The following PPP3CA variants were observed in gnomAD, a reference collection of about 807,000 sequenced individuals.
PPP3CA encodes the protein CAM-PRP catalytic subunit.
Under a neutral mutation model 66.5 loss-of-function variants are expected in PPP3CA, and 14 were observed. The ratio of observed to expected loss-of-function variants is 0.21; its 90% CI spans 0.14 to 0.33. The LOEUF is 0.33. PPP3CA is among the 10% of genes least tolerant of loss of function. The pLI is 1.00. For missense variants in PPP3CA, 317 were observed against 639.5 expected, an observed-to-expected ratio of 0.50 and a Z score of 5.44; for synonymous variants, 232 against 226.2, an observed-to-expected ratio of 1.03 and a Z score of -0.23.
intron 6 of PPP3CA, among the ~76,000 whole-genome samples, chr4:101,091,418 A>G (rs1729935704): frequency 1.3e-5 from 2 of 152,336 alleles, no homozygotes; most frequent in East Asian, 3.9e-4. Context: ...AAATGGATTC[A>G]TTAAACCACA....
chr4:101,227,596 G>C (rs560954237), intron 1 of PPP3CA, among the ~76,000 whole-genome samples: 1 of 151,586 alleles, frequency 6.6e-6, no homozygotes, highest in East Asian at 2.0e-4. Context: ...TGTTTTAGGG[G>C]TACATGTGTA....
At chr4:101,313,308 T>C (rs1394187440) in intron 1 of PPP3CA, among the ~76,000 whole-genome samples, 1 of 152,146 alleles carries the variant, frequency 6.6e-6, no homozygotes, top group Non-Finnish European at 1.5e-5. Flanking sequence ...ATTAGAGGTG[T>C]GAGCCAACAC....
chr4:101,106,256 AGCTGCAGTGAG>A (rs1426176232), intron 3 of PPP3CA, among the ~76,000 whole-genome samples: 1 of 151,424 alleles, frequency 6.6e-6, no homozygotes, highest in Non-Finnish European at 1.5e-5. Context: ...GGCAGATTGA[AGCTGCAGTGAG>A]CTATGACTGT....
intron 1 of PPP3CA, among the ~76,000 whole-genome samples, chr4:101,264,865 T>C (rs530364779): frequency 1.3e-5 from 2 of 152,130 alleles, no homozygotes; most frequent in Non-Finnish European, 2.9e-5. Context: ...TATATGCCCT[T>C]ATTAAAGGAG....
chr4:101,094,077 A>G (rs1047823459), intron 5 of PPP3CA, among the ~76,000 whole-genome samples, 162 bp from the exon 6 acceptor site: 1 of 151,448 alleles, frequency 6.6e-6, no homozygotes, highest in African/African-American at 2.4e-5. Context: ...CCTTCTTCCT[A>G]CTCGTTTTCC....
chr4:101,085,812 C>G (rs1441760151), intron 6 of PPP3CA, among the ~76,000 whole-genome samples: 1 of 151,058 alleles, frequency 6.6e-6, no homozygotes, highest in Admixed American at 6.6e-5. Context: ...ACAAAATGTT[C>G]AAGCTGAAAA....
At chr4:101,319,377 C>G (rs1042777875) in intron 1 of PPP3CA, among the ~76,000 whole-genome samples, 17 of 152,014 alleles carry the variant, frequency 1.1e-4, no homozygotes, top group Admixed American at 3.3e-4. Flanking sequence ...TGGAAGTGTC[C>G]AATTAAAGGT....
chr4:101,188,540 G>C (rs1024159990), intron 2 of PPP3CA, among the ~76,000 whole-genome samples: 1 of 151,964 alleles, frequency 6.6e-6, no homozygotes, highest in African/African-American at 2.4e-5. Flanking sequence ...TGATGAACGC[G>C]ATCTAAAAAT....
chr4:101,276,028 G>A (rs1239857199), intron 1 of PPP3CA, among the ~76,000 whole-genome samples: 1 of 151,838 alleles, frequency 6.6e-6, no homozygotes, highest in East Asian at 1.9e-4. Flanking sequence ...CTGCGTAGCT[G>A]GGATTAAAGG....
At chr4:101,097,995 A>G (rs1730273866) in intron 5 of PPP3CA, among the ~76,000 whole-genome samples, 4 of 152,236 alleles carry the variant, frequency 2.6e-5, no homozygotes, top group Admixed American at 2.6e-4. Context: ...TTTAATGGTT[A>G]TGTTATGATA....
chr4:101,267,560 G>A (rs1395194758), intron 1 of PPP3CA, among the ~76,000 whole-genome samples: 2 of 152,082 alleles, frequency 1.3e-5, no homozygotes, highest in African/African-American at 4.8e-5. Context: ...CATGAAGCCC[G>A]TACTATACTG....
intron 10 of PPP3CA, among the ~76,000 whole-genome samples, chr4:101,042,923 C>T (rs765201868): frequency 6.6e-5 from 10 of 150,496 alleles, no homozygotes; most frequent in Non-Finnish European, 1.2e-4. Flanking sequence ...TAACATTGTC[C>T]TATTACTACT....
chr4:101,273,476 G>C (rs1727396211), intron 1 of PPP3CA, among the ~76,000 whole-genome samples: 1 of 152,104 alleles, frequency 6.6e-6, no homozygotes, highest in Non-Finnish European at 1.5e-5. Flanking sequence ...ACAAGTGCAT[G>C]CCACCATGCT....
intron 8 of PPP3CA, among the ~76,000 whole-genome samples, chr4:101,065,715 CCTAG>C (rs1231514933): frequency 2.0e-5 from 3 of 152,030 alleles, no homozygotes; most frequent in Admixed American, 6.6e-5. Flanking sequence ...GAATTCTAGT[CCTAG>C]CTGTTATAAT....
intron 1 of PPP3CA, among the ~76,000 whole-genome samples, chr4:101,345,786 G>A (rs572700043): frequency 1.1e-4 from 17 of 152,302 alleles, no homozygotes; most frequent in Middle Eastern, 3.4e-3. Context: ...CTTGCCAGGA[G>A]TTTATCATCC....
intron 2 of PPP3CA, among the ~76,000 whole-genome samples, chr4:101,156,848 T>C (rs954369599): frequency 4.6e-5 from 7 of 152,150 alleles, no homozygotes; most frequent in African/African-American, 1.7e-4. Flanking sequence ...AAACTGATGG[T>C]GAGTCACTAC....
intron 1 of PPP3CA, among the ~76,000 whole-genome samples, chr4:101,274,692 G>T (rs1727435495): frequency 6.6e-6 from 1 of 151,642 alleles, no homozygotes; most frequent in Admixed American, 6.6e-5. Context: ...ATTTCTATAG[G>T]GAAAAAATAC....
chr4:101,165,459 A>C (rs1341349467), intron 2 of PPP3CA, among the ~76,000 whole-genome samples: 1 of 152,130 alleles, frequency 6.6e-6, no homozygotes, highest in Admixed American at 6.6e-5. Flanking sequence ...TAAACTGAAC[A>C]TTAACCTTTA....
At chr4:101,090,286 G>A (rs1402207091) in intron 6 of PPP3CA, among the ~76,000 whole-genome samples, 5 of 152,154 alleles carry the variant, frequency 3.3e-5, no homozygotes, top group Non-Finnish European at 5.9e-5. Flanking sequence ...CACAGATTTA[G>A]ATATTCAGCT....
Sources: allele counts gnomAD v4.1 joint callset (sites outside exome capture counted in the v4.1 genomes callset), GRCh38; gene constraint gnomAD v4.1.1; transcripts MANE v1.5; gene names NCBI Gene and HGNC (gene_info 2026-07-23, HGNC 2026-07-21).